The following KCNN3 variants were observed in gnomAD, a reference collection of about 807,000 sequenced individuals.
The protein encoded by KCNN3 is small conductance calcium-activated potassium channel protein 3.
Under a neutral mutation model 62.9 loss-of-function variants are expected in KCNN3, and 16 were observed. The observed-to-expected ratio is 0.25, with a 90% CI of 0.17 to 0.39. The LOEUF is 0.39. KCNN3 is among the 10% of genes least tolerant of loss of function. The pLI is 1.00. For synonymous variants in KCNN3, 370 were observed against 389.2 expected, an observed-to-expected ratio of 0.95 and a Z score of 0.58; for missense variants, 599 against 949.4, an observed-to-expected ratio of 0.63 and a Z score of 4.85.
chr1:154,801,236 C>T (rs1649941559), intron 2 of KCNN3, among the ~76,000 whole-genome samples: 1 of 152,152 alleles, frequency 6.6e-6, no homozygotes, highest in Non-Finnish European at 1.5e-5. Context: ...AACCATTTAT[C>T]CCGGCAAAGT....
chr1:154,740,364 C>T (rs1275100825), intron 3 of KCNN3, among the ~76,000 whole-genome samples: 2 of 152,130 alleles, frequency 1.3e-5, no homozygotes, highest in Non-Finnish European at 2.9e-5. Flanking sequence ...CTTACTGTAG[C>T]CTCAAACTCC....
rs540679678 is a variant in KCNN3 at position 154,706,330 on chromosome 1, T to C, written c.*1646A>G. ...TCTTCTTACAAAGGTAAACCCAAGATGACAACCACAAGCAAAAAAATCACC... is the reference window on the plus strand; with the variant it reads ...TCTTCTTACAAAGGTAAACCCAAGACGACAACCACAAGCAAAAAAATCACC... On this transcript the variant is annotated 3_prime_UTR_variant, in exon 8 of 8. Coordinates refer to ENST00000271915, the MANE Select transcript of KCNN3 (RefSeq NM_002249.6). 1 of 152,280 alleles carries C rather than the reference T, an allele frequency of 6.6e-6. No homozygotes were observed. Among genetic ancestry groups the C allele is most frequent in the African/African-American group, 2.4e-5 (1 of 41,558 alleles). The allele number at this position is 152,280 out of a possible 1,614,324, so 9.4% of individuals were successfully genotyped here. A position where few individuals can be genotyped will look rare whatever the true frequency, so the allele number is the denominator to read the frequency against.
intron 3 of KCNN3, among the ~76,000 whole-genome samples, chr1:154,766,608 G>C (rs1207286377): frequency 6.7e-6 from 1 of 149,178 alleles, no homozygotes; most frequent in African/African-American, 2.5e-5. Context: ...GGTTTAGCTT[G>C]CAGGCTTCCA....
Position 154,870,019 on chromosome 1 carries a change from C to T in KCNN3, c.-55G>A, listed in dbSNP as rs1370451024. On this transcript the variant is annotated 5_prime_UTR_variant, in exon 1 of 8. Coordinates refer to ENST00000271915, the MANE Select transcript of KCNN3 (RefSeq NM_002249.6). ...CAAGCCCCCACCCCAAAGCCACCCT[C>T]GCTCCAAAGATGTCCTCAAAGAAAG... 1.0e-5 allele frequency: 16 copies of T among 1,574,146 alleles called. No homozygotes were observed. The highest frequency in any genetic ancestry group is 2.3e-5 in the East Asian group (1 of 43,516).
At chr1:154,753,417 A>T (rs1203992859) in intron 3 of KCNN3, among the ~76,000 whole-genome samples, 1 of 152,214 alleles carries the variant, frequency 6.6e-6, no homozygotes, top group East Asian at 1.9e-4. Context: ...AAACAGCATG[A>T]CCTCAAAGAA....
intron 2 of KCNN3, among the ~76,000 whole-genome samples, chr1:154,783,048 T>C (rs112608023): frequency 4.6e-5 from 7 of 151,922 alleles, no homozygotes; most frequent in African/African-American, 1.4e-4. Flanking sequence ...CCATCTCTAC[T>C]AAAAATACAA....
intron 3 of KCNN3, 28 bp from the exon 4 acceptor site, chr1:154,733,172 G>C (rs374564998): frequency 1.2e-6 from 2 of 1,613,670 alleles, no homozygotes; most frequent in Non-Finnish European, 1.7e-6. Flanking sequence ...GGAGTTAGTC[G>C]ATGAACAGCC....
In KCNN3 at chr1:154,869,498, C is replaced by T. The variant is rs1653087173; in HGVS notation, c.467G>A (p.Arg156Gln). The change falls in exon 1 of 8, where the codon CGA becomes CAA. Residue 156 changes from arginine to glutamine, a missense_variant. Around this residue, in one of 7 missense-constraint regions of KCNN3, gnomAD observed 112 missense variants for 142.9 expected, o/e 0.78. Transcript: ENST00000271915. The surrounding 1 kb of genome is among the most constrained non-coding windows in gnomAD (Gnocchi z 6.1). ...CCGGTGCACCAGGGGGCTGGCCTGT[C>T]GGTGCCGGCTGCCTCCGCCAGGCCC... ...TSGPGGGSRHRQASPLVHRRD... is the reference protein window; with the variant it reads ...TSGPGGGSRHQQASPLVHRRD... 1 of 1,614,024 alleles carries T rather than the reference C, an allele frequency of 6.2e-7. No homozygotes were observed. Among genetic ancestry groups the T allele is most frequent in the East Asian group, 2.2e-5 (1 of 44,874 alleles).
rs900309252 is a variant in KCNN3, at chr1:154,699,139, G to A, written c.*8837C>T. ...AAAAATGTTTCCTCTTTGGTGACCT[G>A]AGAAAGTTTACCGTAACTCCATTCA... On this transcript the variant is annotated 3_prime_UTR_variant, in exon 8 of 8. Transcript: ENST00000271915. 3 of 149,578 alleles carry A rather than the reference G, an allele frequency of 2.0e-5. No individual in the cohort carries two copies. The highest frequency in any genetic ancestry group is 4.2e-4 in the South Asian group (2 of 4,736). The allele number at this position is 149,578 out of a possible 1,614,324, so 9.3% of individuals were successfully genotyped here. A position where few individuals can be genotyped will look rare whatever the true frequency, so the allele number is the denominator to read the frequency against.
At chr1:154,744,322 A>C (rs1328407319) in intron 3 of KCNN3, among the ~76,000 whole-genome samples, 1 of 152,236 alleles carries the variant, frequency 6.6e-6, no homozygotes, top group Non-Finnish European at 1.5e-5. Context: ...TTTTACAGTG[A>C]ATCAGTGCAA....
chr1:154,813,428 G>C (rs1235618019), intron 2 of KCNN3, among the ~76,000 whole-genome samples: 2 of 152,100 alleles, frequency 1.3e-5, no homozygotes, highest in Non-Finnish European at 2.9e-5. Context: ...TTCCTGGGAG[G>C]CTTCATCTTA....
At chr1:154,739,386 GC>G (rs1482812192) in intron 3 of KCNN3, among the ~76,000 whole-genome samples, 12 of 152,100 alleles carry the variant, frequency 7.9e-5, no homozygotes, top group Non-Finnish European at 1.6e-4. Flanking sequence ...CATTCTTAGT[GC>G]CCCCCACCCC....
intron 1 of KCNN3, among the ~76,000 whole-genome samples, chr1:154,841,959 C>T (rs932760401): frequency 1.3e-5 from 2 of 152,208 alleles, no homozygotes; most frequent in African/African-American, 2.4e-5. Flanking sequence ...AGGAAACGCA[C>T]GCGAGAGTGT....
intron 7 of KCNN3, 78 bp from the exon 8 acceptor site, chr1:154,708,350 G>A (rs1209306592): frequency 7.0e-7 from 1 of 1,420,190 alleles, no homozygotes; most frequent in Non-Finnish European, 9.9e-7. Context: ...GAAATGAAAC[G>A]CCCTCCACAG....
At chr1:154,846,463 G>A (rs1057038290) in intron 1 of KCNN3, among the ~76,000 whole-genome samples, 7 of 152,206 alleles carry the variant, frequency 4.6e-5, no homozygotes, top group Middle Eastern at 3.2e-3. Flanking sequence ...TCTGCCCCCC[G>A]GGAGGAGGAG....
intron 1 of KCNN3, among the ~76,000 whole-genome samples, chr1:154,833,937 A>G (rs930756328): frequency 1.3e-5 from 2 of 152,262 alleles, no homozygotes; most frequent in African/African-American, 4.8e-5. Flanking sequence ...CTGGAAAAAT[A>G]AAAACCAGTT....
chr1:154,805,273 T>C (rs768603812), intron 2 of KCNN3, among the ~76,000 whole-genome samples: 5 of 152,160 alleles, frequency 3.3e-5, no homozygotes, highest in South Asian at 2.1e-4. Context: ...GCTGTGGCCA[T>C]GGGTTAGTTC....
intron 2 of KCNN3, among the ~76,000 whole-genome samples, chr1:154,818,773 G>T (rs1470408011): frequency 1.3e-5 from 2 of 152,222 alleles, no homozygotes; most frequent in African/African-American, 4.8e-5. Context: ...TACCCAGCTT[G>T]GGTGAGAGTT....
chr1:154,821,076 G>A lies in KCNN3; in HGVS notation c.1029+1013C>T, dbSNP rs1263256385. Among the ~76,000 whole-genome samples, 3 of 152,234 alleles carry A rather than the reference G, an allele frequency of 2.0e-5. No homozygotes were observed. The East Asian group carries it at 5.8e-4, about 29-fold the overall frequency. ...ATCCCATCCTCACAACAGCTCAGCA[G>A]AGCTGGAATAAAGGCCCCATGTTCT... is the stretch of plus-strand genomic sequence containing the variant. On this transcript the variant is annotated intron_variant, in intron 2 of 7. Transcript: ENST00000271915.
Sources: gnomAD v4.1 joint callset for allele counts (sites outside exome capture counted in the v4.1 genomes callset) on GRCh38, gnomAD v4.1.1 for gene constraint, gnomAD v4.1.1 regional missense constraint, Gnocchi (gnomAD v3.1) non-coding constraint, MANE v1.5 for transcripts, NCBI Gene and HGNC (gene_info 2026-07-23, HGNC 2026-07-21) for gene names.